Variants in DGKB observed in about 807,000 individuals in gnomAD.
DGKB encodes diacylglycerol kinase beta, also known as 90 kDa diacylglycerol kinase.
A neutral mutation model predicts 114.3 loss-of-function variants in DGKB; 67 were observed. The observed-to-expected ratio is 0.59, with a 90% confidence interval of 0.48 to 0.72. The LOEUF is 0.72. DGKB is among the 30% of genes least tolerant of loss of function. The probability of loss-of-function intolerance (pLI) is 0.00; values close to 1 mark genes in which losing one functional copy is unlikely to be tolerated. For synonymous variants in DGKB, 398 were observed against 323.1 expected (o/e 1.23, Z -2.49); for missense variants, 907 against 975.2 (o/e 0.93, Z 0.93).
intron 23 of DGKB, among the ~76,000 whole-genome samples, chr7:14,290,880 C>T (rs781183362): frequency 3.3e-5 from 5 of 152,042 alleles, no homozygotes; most frequent in Non-Finnish European, 7.4e-5. Context: ...TGGTGGCACA[C>T]GCCTGTAGTC....
intron 21 of DGKB, among the ~76,000 whole-genome samples, chr7:14,393,822 C>T (rs1821810258): frequency 6.6e-6 from 1 of 152,020 alleles, no homozygotes; most frequent in African/African-American, 2.4e-5. Context: ...ACTATTTGGT[C>T]TAGAAAAACC....
chr7:14,599,968 A>T (rs1312094776), intron 17 of DGKB, among the ~76,000 whole-genome samples: 1 of 152,150 alleles, frequency 6.6e-6, no homozygotes, highest in Non-Finnish European at 1.5e-5. Context: ...TCAGAAACAG[A>T]TTACTTTAGT....
At chr7:14,414,494 A>G (rs1011759556) in intron 21 of DGKB, among the ~76,000 whole-genome samples, 3 of 152,196 alleles carry the variant, frequency 2.0e-5, no homozygotes, top group Admixed American at 6.5e-5. Flanking sequence ...TGTGTCAATA[A>G]TAAAAGGCAG....
chr7:14,383,331 T>C (rs148022653), intron 21 of DGKB, among the ~76,000 whole-genome samples: 296 of 152,312 alleles, frequency 1.9e-3, no homozygotes, highest in African/African-American at 6.7e-3. Flanking sequence ...TAGATAAACT[T>C]GACTTTCATC....
chr7:14,256,482 CATTTT>C, intron 23 of DGKB, among the ~76,000 whole-genome samples: 1 of 150,782 alleles, frequency 6.6e-6, no homozygotes, highest in Middle Eastern at 3.4e-3. Context: ...TTATTTATTT[CATTTT>C]GATAGTTTAG....
intron 1 of DGKB, among the ~76,000 whole-genome samples, chr7:14,968,531 C>A (rs533148311): frequency 1.3e-5 from 2 of 152,268 alleles, no homozygotes; most frequent in East Asian, 3.9e-4. Context: ...CATTCACTTT[C>A]CTGGGGTTCC....
chr7:14,859,853 T>C (rs1850718314), intron 1 of DGKB, among the ~76,000 whole-genome samples: 1 of 152,136 alleles, frequency 6.6e-6, no homozygotes, highest in Non-Finnish European at 1.5e-5. Flanking sequence ...ATCCCATCTA[T>C]GTTATAATGT....
chr7:14,557,074 G>GC lies in DGKB; in HGVS notation c.1770+17137dup, dbSNP rs534135813. Among the ~76,000 whole-genome samples the GC allele has an allele frequency of 2.0e-5, 3 of 152,146 alleles. No individual in the cohort carries two copies. In the South Asian group the frequency reaches 6.2e-4, roughly 32 times the overall value. On this transcript the variant is annotated intron_variant, in intron 20 of 25. Transcript: ENST00000402815. ...AGCTTGTTGGAAATGCAAATTCTCA[G>GC]CCCCCGTCCCCAATCTCAGACCTAC... is the stretch of plus-strand genomic sequence containing the variant.
intron 12 of DGKB, among the ~76,000 whole-genome samples, chr7:14,676,475 C>T (rs1819876049): frequency 6.6e-6 from 1 of 152,032 alleles, no homozygotes; most frequent in South Asian, 2.1e-4. Context: ...AGGATGGATA[C>T]CCCATTCTCC....
At chr7:14,832,925 C>T (rs531477977) in intron 2 of DGKB, among the ~76,000 whole-genome samples, 1 of 152,102 alleles carries the variant, frequency 6.6e-6, no homozygotes, top group South Asian at 2.1e-4. Context: ...ATATCTCAAT[C>T]TGATAACCTG....
At chr7:14,789,724 TAA>T in intron 2 of DGKB, among the ~76,000 whole-genome samples, 1 of 151,760 alleles carries the variant, frequency 6.6e-6, no homozygotes, top group South Asian at 2.1e-4. Context: ...CTGGCTAATT[TAA>T]AAAAAAATTT....
intron 1 of DGKB, among the ~76,000 whole-genome samples, chr7:14,918,202 T>C (rs1033287324): frequency 6.6e-6 from 1 of 152,048 alleles, no homozygotes; most frequent in South Asian, 2.1e-4. Flanking sequence ...TAAAAACATG[T>C]CTCCTCTTAC....
At chr7:14,211,361 A>ATTTACTCTCGTGTTTTGTGAT (rs1562627809) in intron 23 of DGKB, among the ~76,000 whole-genome samples, 1 of 62,444 alleles carries the variant, frequency 1.6e-5, no homozygotes, top group Non-Finnish European at 2.9e-5. Flanking sequence ...GTTTTGTGAT[A>ATTTACTCTCGTGTTTTGTGAT]TTTACTCTCG....
intron 17 of DGKB, among the ~76,000 whole-genome samples, chr7:14,588,482 CAT>C (rs1801144282): frequency 1.3e-5 from 2 of 151,936 alleles, no homozygotes; most frequent in Admixed American, 6.6e-5. Context: ...TTACTTTTGA[CAT>C]AGAAATTCTT....
rs936596240 is a variant in DGKB, at chr7:14,147,994, T to G, written c.*1137A>C. ...ATGATTCGCTTCCAAGAGCTCAGTA[T>G]TATTACAGGTACCCATTTATACTAG... is the stretch of plus-strand genomic sequence containing the variant. On this transcript the variant is annotated 3_prime_UTR_variant, in exon 26 of 26. Coordinates refer to ENST00000402815, the MANE Select transcript of DGKB (RefSeq NM_001350709.2). 2 of 152,128 alleles carry G rather than the reference T, an allele frequency of 1.3e-5. No homozygotes were observed. Among genetic ancestry groups the G allele is most frequent in the African/African-American group, 4.8e-5 (2 of 41,444 alleles). The allele number at this position is 152,128 out of a possible 1,614,324, so 9.4% of individuals were successfully genotyped here.
Position 14,718,609 on chromosome 7 carries a change from G to T in DGKB, c.399C>A (p.Ile133=). 1 of 1,611,654 alleles carries T rather than the reference G, an allele frequency of 6.2e-7. No homozygotes were observed. Among genetic ancestry groups the T allele is most frequent in the Non-Finnish European group, 8.5e-7 (1 of 1,178,106 alleles). Residue 133 remains isoleucine, a synonymous_variant, in exon 6 of 26, where the codon ATC becomes ATA. Transcript: ENST00000402815. Reference sequence around the variant, plus strand: ...GGTAACAGACAATGTCCTTCAGATGGATTACTTCTGGGGAACACGTATTTG... The same window carrying T: ...GGTAACAGACAATGTCCTTCAGATGTATTACTTCTGGGGAACACGTATTTG... The part of the protein sequence containing the change: ...SPANTCSPEV[I]HLKDIVCYLS...
intron 23 of DGKB, among the ~76,000 whole-genome samples, chr7:14,325,377 C>G (rs954315453): frequency 6.6e-6 from 1 of 152,100 alleles, no homozygotes; most frequent in African/African-American, 2.4e-5. Flanking sequence ...AGATGTGCAA[C>G]TGAAGGGAAA....
rs191023940 is a variant in DGKB, at chr7:14,227,599, G to A, written c.2123-49448C>T. On this transcript the variant is annotated intron_variant, in intron 23 of 25. Transcript: ENST00000402815. Reference sequence around the variant, plus strand: ...CAAAATTACACAGAAAATAGAAGAAGGAAGGAGGGAGGCAGAAAGGAGAAG... The same window carrying A: ...CAAAATTACACAGAAAATAGAAGAAAGAAGGAGGGAGGCAGAAAGGAGAAG... Among the ~76,000 whole-genome samples the A allele has an allele frequency of 4.6e-5, 7 of 152,088 alleles. No homozygotes were observed. In the East Asian group the frequency reaches 1.2e-3, roughly 25 times the overall value.
At chr7:14,349,115 G>T (rs1345786276) in intron 21 of DGKB, among the ~76,000 whole-genome samples, 1 of 151,988 alleles carries the variant, frequency 6.6e-6, no homozygotes, top group African/African-American at 2.4e-5. Context: ...TGTAGTTATT[G>T]CAATAATTCA....
Sources: allele counts gnomAD v4.1 joint callset (sites outside exome capture counted in the v4.1 genomes callset), GRCh38; gene constraint gnomAD v4.1.1; transcripts MANE v1.5; gene names NCBI Gene and HGNC (gene_info 2026-07-23, HGNC 2026-07-21).